ENDOV: variants seen among roughly 807,000 people sequenced by gnomAD.
ENDOV encodes the protein hEndoV.
ENDOV carries 37 observed loss-of-function variants against 39.4 expected under a neutral mutation model. The observed-to-expected ratio is 0.94, with a 90% confidence interval of 0.72 to 1.23. The LOEUF (loss-of-function observed/expected upper bound fraction) is 1.23. Among genes scored for constraint, ENDOV ranks in the 50% most tolerant of loss-of-function variants. The pLI, the probability that ENDOV is intolerant of heterozygous loss-of-function variation, is 0.00. For missense variants in ENDOV, 441 were observed against 375.7 expected (o/e 1.17, Z -1.44); for synonymous variants, 186 against 163.4 (o/e 1.14, Z -1.05).
At chr17:80,434,669 C>T (rs2083502294) in intron 9 of ENDOV, among the ~76,000 whole-genome samples, 1 of 152,168 alleles carries the variant, frequency 6.6e-6, no homozygotes, top group Admixed American at 6.5e-5. Context: ...CGGCTGGGCA[C>T]AGTGAGTGGT....
chr17:80,415,357 C>G, intron 1 of ENDOV, 107 bp downstream of exon 1: 1 of 1,345,230 alleles, frequency 7.4e-7, no homozygotes, highest in Non-Finnish European at 1.0e-6. Context: ...GCTGCCACCG[C>G]CCGAGACTCC....
chr17:80,417,925 C>T (rs2081424515), intron 2 of ENDOV: 1 of 152,252 alleles, frequency 6.6e-6, no homozygotes, highest in Non-Finnish European at 1.5e-5. Context: ...ACTCGCATTG[C>T]TCCTCTGCTG....
At chr17:80,428,540 T>G in intron 7 of ENDOV, 56 bp from the exon 8 acceptor site, 1 of 1,523,870 alleles carries the variant, frequency 6.6e-7, no homozygotes, top group South Asian at 1.2e-5. Flanking sequence ...CAGCTCCTGG[T>G]GGGAAACTGG....
Position 80,431,666 on chromosome 17 carries a change from T to C in ENDOV, c.838+1835T>C, listed in dbSNP as rs548941346. Among the ~76,000 whole-genome samples, 3 of 152,278 alleles carry C rather than the reference T, an allele frequency of 2.0e-5. No individual in the cohort carries two copies. The East Asian group carries it at 5.8e-4, about 29-fold the overall frequency. On this transcript the variant is annotated intron_variant, in intron 9 of 9. Coordinates refer to ENST00000518137, the MANE Select transcript of ENDOV (RefSeq NM_173627.5). ...GTCAGTGGCCCCGGACTGGCCTCAC[T>C]CAGCCCTGGGCACTTGGGCCTGTCG...
At position 80,421,953 on chromosome 17, in the gene ENDOV, C is replaced by T; in HGVS notation, c.354C>T (p.Leu118=). The T allele has an allele frequency of 1.2e-6, 2 of 1,609,060 alleles. No homozygotes were observed. Among genetic ancestry groups the T allele is most frequent in the Non-Finnish European group, 1.7e-6 (2 of 1,179,628 alleles). ...VQQLREKEPG[L]MPQVLLVDGN... is the part of the protein sequence containing the mutation. ...AGCTGCGGGAGAAGGAGCCGGGCCT[C>T]ATGCCCCAGGCAGGTGTCTCATCCC... The change falls in exon 3 of 10, where the codon CTC becomes CTT. Residue 118 remains leucine (L), a synonymous_variant. Coordinates refer to ENST00000518137, the MANE Select transcript of ENDOV (RefSeq NM_173627.5).
intron 2 of ENDOV, among the ~76,000 whole-genome samples, chr17:80,421,324 ATCC>A (rs2081995198): frequency 6.8e-6 from 1 of 147,018 alleles, no homozygotes; most frequent in Admixed American, 6.7e-5. Flanking sequence ...ATCCCGGGGA[ATCC>A]TCCTATGGAC....
rs1484016303 is a variant in ENDOV, at chr17:80,425,748, G to A, written c.714+128G>A. ...ACATGAGGACGGGGGTTCCTGGGCC[G>A]AGGACAGGTCACAGACATCTTGCTG... On this transcript the variant is annotated intron_variant, in intron 7 of 9. Coordinates refer to ENST00000518137, the MANE Select transcript of ENDOV (RefSeq NM_173627.5). The A allele has an allele frequency of 8.6e-6, 12 of 1,398,730 alleles. No individual in the cohort carries two copies. The African/African-American group carries it at 1.0e-4, about 12-fold the overall frequency. The allele number at this position is 1,398,730 out of a possible 1,614,324, so 86.6% of individuals were successfully genotyped here.
chr17:80,427,588 G>A (rs904135470), intron 7 of ENDOV: 18 of 1,095,586 alleles, frequency 1.6e-5, no homozygotes, highest in Middle Eastern at 5.2e-4. Context: ...ACTGTTGGGC[G>A]TGAGCCGAGG....
chr17:80,428,833 G>A (rs1416100790), intron 8 of ENDOV, among the ~76,000 whole-genome samples, 173 bp downstream of exon 8: 1 of 152,202 alleles, frequency 6.6e-6, no homozygotes, highest in East Asian at 1.9e-4. Context: ...GGAGAGTGGA[G>A]TGGGGTAGAC....
intron 2 of ENDOV, chr17:80,418,273 A>G (rs2081468583): frequency 6.6e-6 from 1 of 152,220 alleles, no homozygotes; most frequent in South Asian, 2.1e-4. Context: ...CATGAAATGC[A>G]TGGAAAGCAG....
rs370627497 is a variant in ENDOV, at chr17:80,415,826, C to T, written c.228+5C>T. ...CTCAGCTTCCCTGAGCTCGAGGTAACCTGGGAGGACGCCGAGCTCGAGGCG... is the reference window on the plus strand; with the variant it reads ...CTCAGCTTCCCTGAGCTCGAGGTAATCTGGGAGGACGCCGAGCTCGAGGCG... On this transcript the variant is annotated splice_donor_5th_base_variant and intron_variant, in intron 2 of 9. Transcript: ENST00000518137. The T allele has an allele frequency of 2.1e-5, 33 of 1,587,622 alleles. No homozygotes were observed. In the African/African-American group the frequency reaches 3.0e-4, roughly 14 times the overall value.
chr17:80,415,619 C>G, intron 1 of ENDOV, 31 bp from the exon 2 acceptor site: 2 of 1,605,344 alleles, frequency 1.2e-6, no homozygotes, highest in Non-Finnish European at 1.7e-6. Context: ...AGGTGTGACC[C>G]CGACCAAGTT....
At chr17:80,428,683 G>T (rs1253640427) in intron 8 of ENDOV, 23 bp downstream of exon 8, 2 of 1,561,260 alleles carry the variant, frequency 1.3e-6, no homozygotes, top group Non-Finnish European at 1.7e-6. Flanking sequence ...GGAGGCTGGG[G>T]CACTAAAGGG....
Position 80,436,113 on chromosome 17 carries a change from G to T in ENDOV, c.839-20G>T. 1 of 1,610,058 alleles carries T rather than the reference G, an allele frequency of 6.2e-7. No individual in the cohort carries two copies. The highest frequency in any genetic ancestry group is 8.5e-7 in the Non-Finnish European group (1 of 1,179,228). ...TTTTATTTCTTTTTCTTGCCTCATT[G>T]CTCTGGCTGGAACGTCTAGCACTTT... On this transcript the variant is annotated intron_variant, in intron 9 of 9. Coordinates refer to ENST00000518137, the MANE Select transcript of ENDOV (RefSeq NM_173627.5).
At chr17:80,425,693 C>T in intron 7 of ENDOV, 73 bp downstream of exon 7, 2 of 1,530,790 alleles carry the variant, frequency 1.3e-6, no homozygotes, top group Non-Finnish European at 8.7e-7. Context: ...CAGGGCTCCC[C>T]AGCAGCTCAG....
intron 7 of ENDOV, among the ~76,000 whole-genome samples, chr17:80,427,048 TG>T (rs1406370618): frequency 7.2e-5 from 11 of 152,212 alleles, no homozygotes; most frequent in Non-Finnish European, 1.5e-4. Flanking sequence ...GCGCGCAGTG[TG>T]GCCTCCAGGG....
intron 7 of ENDOV, 73 bp from the exon 8 acceptor site, chr17:80,428,523 C>T (rs2083008503): frequency 1.4e-6 from 2 of 1,457,636 alleles, no homozygotes; most frequent in Admixed American, 4.0e-5. Context: ...GGAGGCATTG[C>T]CAGCAGCAGC....
Position 80,415,754 on chromosome 17 carries a change from C to A in ENDOV, c.161C>A (p.Ser54Tyr), listed in dbSNP as rs202223389. 238 of 1,606,336 alleles carry A rather than the reference C, an allele frequency of 1.5e-4. No homozygotes were observed. The African/African-American group carries it at 2.8e-3, about 19-fold the overall frequency. The change falls in exon 2 of 10, where the codon TCC becomes TAC. Residue 54 changes from serine to tyrosine, a missense_variant. Coordinates refer to ENST00000518137, the MANE Select transcript of ENDOV (RefSeq NM_173627.5). Reference sequence around the variant, plus strand: ...CAGAGGGTCGGGGGCGTTGACGTGTCCTTCGTGAAAGGGGACAGTGTCCGC... The same window carrying A: ...CAGAGGGTCGGGGGCGTTGACGTGTACTTCGTGAAAGGGGACAGTGTCCGC... ...GLQRVGGVDV[S>Y]FVKGDSVRAC...
At chr17:80,427,091 T>C (rs917213633) in intron 7 of ENDOV, among the ~76,000 whole-genome samples, 14 of 152,230 alleles carry the variant, frequency 9.2e-5, no homozygotes, top group Non-Finnish European at 8.8e-5. Flanking sequence ...ACAATGGCCC[T>C]CGCCCTGGGG....
Sources: gnomAD v4.1 joint callset for allele counts (sites outside exome capture counted in the v4.1 genomes callset) on GRCh38, gnomAD v4.1.1 for gene constraint, MANE v1.5 for transcripts, NCBI Gene and HGNC (gene_info 2026-07-23, HGNC 2026-07-21) for gene names.